PCDH15: variants seen among roughly 807,000 people sequenced by gnomAD.
The protein encoded by PCDH15 is protocadherin-15.
PCDH15 carries 129 observed loss-of-function variants against 178.5 expected under a neutral mutation model. The observed-to-expected ratio is 0.72, with a 90% CI of 0.63 to 0.84. The LOEUF (loss-of-function observed/expected upper bound fraction) is 0.84, where lower values mean the gene tolerates loss of function less well. PCDH15 is among the 40% of genes least tolerant of loss of function. The pLI is 0.00. For synonymous variants in PCDH15, 800 were observed against 732.0 expected, an observed-to-expected ratio of 1.09 and a Z score of -1.50; for missense variants, 2,230 against 2,099.9, an observed-to-expected ratio of 1.06 and a Z score of -1.21.
chr10:54,746,995 G>T (rs1451211877), intron 1 of PCDH15, among the ~76,000 whole-genome samples: 1 of 152,088 alleles, frequency 6.6e-6, no homozygotes. Flanking sequence ...GGTTTTATAA[G>T]GTGTAACACC....
intron 2 of PCDH15, among the ~76,000 whole-genome samples, chr10:55,517,419 G>A (rs16913846): frequency 0.027 from 4,163 of 152,068 alleles, 240 homozygotes; most frequent in East Asian, 0.2. Flanking sequence ...TGAGAAACCC[G>A]TGACCCATGA....
rs200798008 is a variant in PCDH15, at chr10:54,317,438, G to A, written c.709C>T (p.Arg237Cys). ...CGCCTCTCATTCAGATTTTGGGCAC[G>A]GTCCTGTTAGGGAGAAAAACAAACA... Reference protein sequence around the residue: ...RYFVIIQANDRAQNLNERRTT... With the variant: ...RYFVIIQANDCAQNLNERRTT... Residue 237 changes from arginine to cysteine, a missense_variant, in exon 8 of 38, where the codon CGT (arginine) becomes TGT (cysteine). Coordinates refer to ENST00000644397, the MANE Select transcript of PCDH15 (RefSeq NM_001384140.1). 1.1e-4 allele frequency: 171 copies of A among 1,613,568 alleles called. No individual in the cohort carries two copies. The highest frequency in any genetic ancestry group is 1.3e-4 in the Non-Finnish European group (156 of 1,179,782).
At chr10:55,545,924 T>C (rs1841871339) in intron 2 of PCDH15, among the ~76,000 whole-genome samples, 1 of 152,124 alleles carries the variant, frequency 6.6e-6, no homozygotes, top group African/African-American at 2.4e-5. Context: ...GGAATGGAAG[T>C]GATGCACTGG....
chr10:54,622,652 T>C (rs1311447892), intron 2 of PCDH15, among the ~76,000 whole-genome samples: 2 of 93,826 alleles, frequency 2.1e-5, no homozygotes, highest in African/African-American at 1.0e-4. Flanking sequence ...ATTATATATA[T>C]ACTATATAAT....
chr10:54,345,801 C>CAAAAAAAAAAAAAAAAA (rs540507383), intron 6 of PCDH15, among the ~76,000 whole-genome samples: 1 of 52,436 alleles, frequency 1.9e-5, no homozygotes, highest in Non-Finnish European at 3.2e-5. Context: ...GACTCCGTCT[C>CAAAAAAAAAAAAAAAAA]AAAAAAAAAA....
rs759464317 is a variant in PCDH15 at position 54,378,765 on chromosome 10, G to GA, written c.318+16dup. On this transcript the variant is annotated intron_variant, in intron 4 of 37. Coordinates refer to ENST00000644397, the MANE Select transcript of PCDH15 (RefSeq NM_001384140.1). ...AATAAACTTATATTACAGGGGCAAA[G>GA]AAAAAAAATCACTAACATCTCTATC... The GA allele has an allele frequency of 4.2e-5, 67 of 1,612,174 alleles. No individual in the cohort carries two copies. Among genetic ancestry groups the GA allele is most frequent in the Admixed American group, 8.3e-5 (5 of 59,882 alleles).
chr10:54,180,461 C>G (rs1249754530), intron 13 of PCDH15, among the ~76,000 whole-genome samples: 1 of 152,100 alleles, frequency 6.6e-6, no homozygotes, highest in Admixed American at 6.6e-5. Flanking sequence ...ACCTGTTGCC[C>G]AAGTGTCTCT....
At chr10:55,363,552 A>G (rs1845280582) in intron 2 of PCDH15, among the ~76,000 whole-genome samples, 1 of 152,188 alleles carries the variant, frequency 6.6e-6, no homozygotes, top group Admixed American at 6.5e-5. Context: ...GTAACACAAT[A>G]TATCATCATT....
chr10:55,148,733 G>A (rs1281710557), intron 2 of PCDH15, among the ~76,000 whole-genome samples: 1 of 151,370 alleles, frequency 6.6e-6, no homozygotes, highest in Non-Finnish European at 1.5e-5. Flanking sequence ...CACTGATAAT[G>A]TCTGTTAAGA....
At chr10:54,194,698 ATG>A (rs1321224472) in intron 11 of PCDH15, among the ~76,000 whole-genome samples, 1 of 149,006 alleles carries the variant, frequency 6.7e-6, no homozygotes, top group Non-Finnish European at 1.5e-5. Context: ...CTATATCTGT[ATG>A]TGTATGTATA....
At chr10:55,390,737 AAAC>A (rs1416015656) in intron 2 of PCDH15, among the ~76,000 whole-genome samples, 1 of 152,198 alleles carries the variant, frequency 6.6e-6, no homozygotes, top group Non-Finnish European at 1.5e-5. Context: ...ACACACATAA[AAAC>A]AACATTAATC....
intron 18 of PCDH15, among the ~76,000 whole-genome samples, chr10:54,024,176 GAATT>G (rs1255022041): frequency 1.3e-5 from 2 of 152,038 alleles, no homozygotes; most frequent in Non-Finnish European, 2.9e-5. Context: ...AATGTAATAA[GAATT>G]AATCTTAGCT....
chr10:55,000,724 G>T (rs998131501), intron 2 of PCDH15, among the ~76,000 whole-genome samples: 19 of 152,186 alleles, frequency 1.2e-4, no homozygotes, highest in African/African-American at 4.3e-4. Context: ...TGGGGAATCT[G>T]ATAAATGTCC....
intron 28 of PCDH15, among the ~76,000 whole-genome samples, chr10:53,841,759 G>T (rs983620785): frequency 2.6e-5 from 4 of 152,082 alleles, no homozygotes; most frequent in African/African-American, 9.7e-5. Context: ...CATCCTTGAA[G>T]TAGACTAAGA....
At chr10:55,353,759 A>G (rs1332612322) in intron 2 of PCDH15, among the ~76,000 whole-genome samples, 1 of 152,064 alleles carries the variant, frequency 6.6e-6, no homozygotes. Flanking sequence ...TGATGATCAT[A>G]AAGCACACAA....
At chr10:54,069,253 T>C (rs1395653708) in intron 17 of PCDH15, among the ~76,000 whole-genome samples, 3 of 152,160 alleles carry the variant, frequency 2.0e-5, no homozygotes, top group Non-Finnish European at 4.4e-5. Flanking sequence ...TACACCAGCC[T>C]GTCTTTACCT....
chr10:54,751,552 C>A lies in PCDH15; in HGVS notation c.-29+49373G>T, dbSNP rs544428275. ...TTGCACCCAGAAAAAACCCTTAAAA[C>A]CGTCTAGTTCAATCATCTATGTTAG... On this transcript the variant is annotated intron_variant, in intron 1 of 37. Transcript: ENST00000644397. Among the ~76,000 whole-genome samples, 6 of 152,204 alleles carry A rather than the reference C, an allele frequency of 3.9e-5. No individual in the cohort carries two copies. The South Asian group carries it at 1.2e-3, about 32-fold the overall frequency.
intron 18 of PCDH15, among the ~76,000 whole-genome samples, chr10:54,056,785 T>C (rs10825211): frequency 0.59 from 89,906 of 151,978 alleles, 26,722 homozygotes; most frequent in Middle Eastern, 0.73. Context: ...CGAAGTCTTA[T>C]CTCAGACACA....
At chr10:54,058,999 T>C (rs2093959380) in intron 18 of PCDH15, among the ~76,000 whole-genome samples, 1 of 152,074 alleles carries the variant, frequency 6.6e-6, no homozygotes, top group African/African-American at 2.4e-5. Flanking sequence ...TGGCCAGAAC[T>C]TATTTCTTCT....
Sources: gnomAD v4.1 joint callset for allele counts (sites outside exome capture counted in the v4.1 genomes callset) on GRCh38, gnomAD v4.1.1 for gene constraint, MANE v1.5 for transcripts, NCBI Gene and HGNC (gene_info 2026-07-23, HGNC 2026-07-21) for gene names.